Variants in ZFYVE9 observed in about 807,000 individuals in gnomAD.
The protein encoded by ZFYVE9 is zinc finger FYVE domain-containing protein 9.
In ZFYVE9, 43 loss-of-function variants were observed where a neutral mutation model predicts 126.7. The observed-to-expected ratio is 0.34, with a 90% CI of 0.27 to 0.44. The LOEUF is 0.44. ZFYVE9 is among the 20% of genes least tolerant of loss of function. The probability of loss-of-function intolerance (pLI) is 1.00; values close to 1 mark genes in which losing one functional copy is unlikely to be tolerated. For synonymous variants in ZFYVE9, 521 were observed against 597.4 expected, an observed-to-expected ratio of 0.87 and a Z score of 1.87; for missense variants, 1,476 against 1,697.0, an observed-to-expected ratio of 0.87 and a Z score of 2.29.
intron 1 of ZFYVE9, among the ~76,000 whole-genome samples, chr1:52,161,922 TTA>T (rs1212126285): frequency 6.6e-6 from 1 of 150,642 alleles, no homozygotes; most frequent in Admixed American, 6.6e-5. Flanking sequence ...AGCTAGGAGT[TTA>T]TGTTAGTAAA....
chr1:52,290,520 T>A, intron 10 of ZFYVE9, among the ~76,000 whole-genome samples: 1 of 152,158 alleles, frequency 6.6e-6, no homozygotes, highest in East Asian at 1.9e-4. Flanking sequence ...GATAAAGAGA[T>A]GAAAAAAAAT....
intron 10 of ZFYVE9, among the ~76,000 whole-genome samples, chr1:52,285,684 G>A (rs1346656543): frequency 6.6e-6 from 1 of 152,102 alleles, no homozygotes; most frequent in African/African-American, 2.4e-5. Flanking sequence ...TCTACATTAT[G>A]GTGAGTTGTA....
At chr1:52,180,290 A>C in intron 1 of ZFYVE9, 1 of 1,596,056 alleles carries the variant, frequency 6.3e-7, no homozygotes, top group Non-Finnish European at 8.5e-7. Context: ...CCATTTCAAC[A>C]ACCTGCATAC....
At chr1:52,215,736 A>T (rs922374476) in intron 1 of ZFYVE9, among the ~76,000 whole-genome samples, 1 of 152,186 alleles carries the variant, frequency 6.6e-6, no homozygotes, top group Admixed American at 6.5e-5. Flanking sequence ...GGGCTACCAT[A>T]ACTTAATGGA....
chr1:52,305,256 C>T (rs987977845), intron 13 of ZFYVE9, among the ~76,000 whole-genome samples: 14 of 152,250 alleles, frequency 9.2e-5, no homozygotes, highest in African/African-American at 2.6e-4. Context: ...GCCTGGCCAA[C>T]GTGGTGAAAC....
At chr1:52,299,152 C>T (rs1242505975) in intron 12 of ZFYVE9, among the ~76,000 whole-genome samples, 1 of 152,096 alleles carries the variant, frequency 6.6e-6, no homozygotes, top group Non-Finnish European at 1.5e-5. Flanking sequence ...TCTTTTACCT[C>T]TTAACTAAGT....
At chr1:52,150,720 C>T (rs113037641) in intron 1 of ZFYVE9, among the ~76,000 whole-genome samples, 2 of 150,564 alleles carry the variant, frequency 1.3e-5, no homozygotes, top group Non-Finnish European at 2.9e-5. Context: ...TGCAGTGAGC[C>T]GAGATCACGC....
intron 12 of ZFYVE9, among the ~76,000 whole-genome samples, chr1:52,296,993 G>C (rs934749995): frequency 3.3e-5 from 5 of 152,108 alleles, no homozygotes; most frequent in Admixed American, 2.6e-4. Context: ...TTTTTGTAGA[G>C]AGAGCGTTTT....
At chr1:52,210,366 A>C (rs951505178) in intron 1 of ZFYVE9, among the ~76,000 whole-genome samples, 2 of 152,086 alleles carry the variant, frequency 1.3e-5, no homozygotes, top group African/African-American at 4.8e-5. Flanking sequence ...CCCCTCTCTT[A>C]CCTCGCTTTT....
intron 17 of ZFYVE9, among the ~76,000 whole-genome samples, chr1:52,340,767 G>C (rs960819877): frequency 8.6e-5 from 13 of 151,904 alleles, no homozygotes; most frequent in Middle Eastern, 3.2e-3. Flanking sequence ...GAGGCATGGT[G>C]GTGCACACCT....
intron 2 of ZFYVE9, among the ~76,000 whole-genome samples, chr1:52,230,323 G>T (rs1241435356): frequency 6.6e-6 from 1 of 151,960 alleles, no homozygotes; most frequent in African/African-American, 2.4e-5. Flanking sequence ...ACTTCCCAAG[G>T]CCCCACCCCG....
chr1:52,255,907 T>TCTTTTCTTTC (rs1262286053), intron 4 of ZFYVE9, among the ~76,000 whole-genome samples: 1 of 43,802 alleles, frequency 2.3e-5, no homozygotes, highest in African/African-American at 1.6e-4. Flanking sequence ...TTTTTTCTTT[T>TCTTTTCTTTC]CTTTTCTTTT....
At chr1:52,268,831 AGG>A (rs1645659831) in intron 7 of ZFYVE9, among the ~76,000 whole-genome samples, 199 bp downstream of exon 7, 1 of 152,224 alleles carries the variant, frequency 6.6e-6, no homozygotes, top group African/African-American at 2.4e-5. Context: ...TTCAGGAGAA[AGG>A]TTCTTAATGA....
intron 9 of ZFYVE9, among the ~76,000 whole-genome samples, chr1:52,281,350 G>A (rs1287802002): frequency 3.9e-5 from 6 of 151,918 alleles, no homozygotes; most frequent in African/African-American, 1.2e-4. Context: ...AGCCAGGATG[G>A]TCTTGATCTC....
intron 4 of ZFYVE9, among the ~76,000 whole-genome samples, chr1:52,258,137 T>C (rs530106465): frequency 1.3e-5 from 2 of 152,324 alleles, no homozygotes; most frequent in East Asian, 3.9e-4. Flanking sequence ...GTATTAAAAA[T>C]AATTTAGCTC....
chr1:52,213,437 G>C (rs1376473285), intron 1 of ZFYVE9, among the ~76,000 whole-genome samples: 1 of 152,114 alleles, frequency 6.6e-6, no homozygotes, highest in Non-Finnish European at 1.5e-5. Context: ...GATTGCCTGA[G>C]CTCAGGAGTT....
chr1:52,326,829 A>T (rs1646296492), intron 13 of ZFYVE9, among the ~76,000 whole-genome samples: 1 of 151,988 alleles, frequency 6.6e-6, no homozygotes, highest in Non-Finnish European at 1.5e-5. Flanking sequence ...AGACTGCACC[A>T]TTGCACTCCA....
intron 1 of ZFYVE9, among the ~76,000 whole-genome samples, chr1:52,212,307 G>A (rs1240689473): frequency 1.3e-5 from 2 of 152,030 alleles, no homozygotes. Context: ...ACTATGCCTG[G>A]CTAATTTTTG....
chr1:52,308,271 C>T (rs1307380293), intron 13 of ZFYVE9, among the ~76,000 whole-genome samples: 2 of 152,104 alleles, frequency 1.3e-5, no homozygotes, highest in African/African-American at 4.8e-5. Context: ...GTCTCAACTT[C>T]CTGGGCTCAA....
Sources: gnomAD v4.1 joint callset for allele counts (sites outside exome capture counted in the v4.1 genomes callset) on GRCh38, gnomAD v4.1.1 for gene constraint, MANE v1.5 for transcripts, NCBI Gene and HGNC (gene_info 2026-07-23, HGNC 2026-07-21) for gene names.